The following ATXN10 variants were observed in gnomAD, a reference collection of about 807,000 sequenced individuals.
ATXN10 encodes the protein ataxin-10.
Under a neutral mutation model 52.9 loss-of-function variants are expected in ATXN10, and 28 were observed. The observed-to-expected ratio is 0.53, with a 90% confidence interval of 0.39 to 0.73. The LOEUF is 0.73. Ranked by LOEUF, ATXN10 falls within the 30% of genes least tolerant of loss-of-function variation. The probability of loss-of-function intolerance (pLI) is 0.00; values close to 1 mark genes in which losing one functional copy is unlikely to be tolerated. For synonymous variants in ATXN10, 226 were observed against 221.5 expected (o/e 1.02, Z -0.18); for missense variants, 565 against 577.0 (o/e 0.98, Z 0.21).
At position 45,769,867 on chromosome 22, in the gene ATXN10, A is replaced by T. The variant is rs1187996717; in HGVS notation, c.1173+29329A>T. 6.6e-6 allele frequency among the ~76,000 whole-genome samples: 1 copy of T among 152,226 alleles called. No homozygotes were observed. Among genetic ancestry groups the T allele is most frequent in the East Asian group, 1.9e-4 (1 of 5,202 alleles). ...AGAGTGTCAGGAAGTTAAAAAATAT[A>T]AAAAATTTTCTGATGAAATGTAAGT... On this transcript the variant is annotated intron_variant, in intron 9 of 11. Transcript: ENST00000252934. The surrounding 1 kb of genome is among the most constrained non-coding windows in gnomAD (Gnocchi z 4.2).
rs1329456232 is a variant in ATXN10 at position 45,728,900 on chromosome 22, A to G, written c.729-525A>G. On this transcript the variant is annotated intron_variant, in intron 6 of 11. Coordinates refer to ENST00000252934, the MANE Select transcript of ATXN10 (RefSeq NM_013236.4). The surrounding 1 kb of genome is among the most constrained non-coding windows in gnomAD (Gnocchi z 4.3). ...AGCACCTGGCTCAGGGCACAGATTG[A>G]ATCCTAGCTTAGACTCTCAGTGGTT... Among the ~76,000 whole-genome samples, 1 of 152,222 alleles carries G rather than the reference A, an allele frequency of 6.6e-6. No individual in the cohort carries two copies. Among genetic ancestry groups the G allele is most frequent in the Non-Finnish European group, 1.5e-5 (1 of 68,030 alleles).
Position 45,843,291 on chromosome 22 carries a change from C to G in ATXN10, c.1425+113C>G. ...TAAGAATATGGATGGGAGAATTGTG[C>G]CCTCTATAGTGGTTTACCGAGGAAA... On this transcript the variant is annotated intron_variant, in intron 11 of 11. Transcript: ENST00000252934. This position sits in a 1 kb window ranked among gnomAD's most constrained non-coding sequence, Gnocchi z 4.5. 1 of 1,221,490 alleles carries G rather than the reference C, an allele frequency of 8.2e-7. No individual in the cohort carries two copies. The highest frequency in any genetic ancestry group is 1.5e-5 in the African/African-American group (1 of 66,884). The allele number at this position is 1,221,490 out of a possible 1,614,324, so 75.7% of individuals were successfully genotyped here.
intron 9 of ATXN10, chr22:45,760,662 C>G (rs1316790406): frequency 1.3e-5 from 2 of 154,162 alleles, no homozygotes; most frequent in South Asian, 2.0e-4. Flanking sequence ...AGGCACAGTT[C>G]TGAGTATTCG....
chr22:45,688,653 G>A lies in ATXN10; in HGVS notation c.117-1059G>A. Among the ~76,000 whole-genome samples, 1 of 152,194 alleles carries A rather than the reference G, an allele frequency of 6.6e-6. No individual in the cohort carries two copies. Among genetic ancestry groups the A allele is most frequent in the East Asian group, 1.9e-4 (1 of 5,194 alleles). On this transcript the variant is annotated intron_variant, in intron 1 of 11. Transcript: ENST00000252934. The surrounding 1 kb of genome is among the most constrained non-coding windows in gnomAD (Gnocchi z 4.0). ...GCAACTGAGCAGCTCTGTAACCTGG[G>A]CAGCTCAGTGTCCAGAGTTCTGAAT... is the stretch of plus-strand genomic sequence containing the variant.
intron 9 of ATXN10, among the ~76,000 whole-genome samples, chr22:45,747,691 C>A (rs1569047731): frequency 6.6e-6 from 1 of 152,162 alleles, no homozygotes; most frequent in African/African-American, 2.4e-5. Flanking sequence ...CATCTATTAA[C>A]TGTTTAAATT....
Position 45,702,764 on chromosome 22 carries a change from A to C in ATXN10, c.564A>C (p.Glu188Asp). The change falls in exon 5 of 12, where the codon GAA becomes GAC. Residue 188 changes from glutamate (E) to aspartate (D), a missense_variant. Glu to Asp is a conservative substitution (Grantham distance 45, BLOSUM62 2). Coordinates refer to ENST00000252934, the MANE Select transcript of ATXN10 (RefSeq NM_013236.4). The stretch of plus-strand genomic sequence containing the variant: ...TTTTGTTTACATCCCTTAATCATGA[A>C]AGAATGAAAGAACTGGAGGAGAACC... ...SMILFTSLNH[E>D]RMKELEENLN... is the part of the protein sequence containing the mutation. 6.2e-7 allele frequency: 1 copy of C among 1,614,070 alleles called. No individual in the cohort carries two copies. Among genetic ancestry groups the C allele is most frequent in the East Asian group, 2.2e-5 (1 of 44,850 alleles).
chr22:45,801,339 C>CT (rs1414446772), intron 9 of ATXN10, among the ~76,000 whole-genome samples: 1 of 152,210 alleles, frequency 6.6e-6, no homozygotes, highest in Non-Finnish European at 1.5e-5. Context: ...GACTTTGGCT[C>CT]TGAGTTTTCT....
chr22:45,793,855 G>A, intron 9 of ATXN10: 1 of 1,284,278 alleles, frequency 7.8e-7, no homozygotes, highest in Non-Finnish European at 9.9e-7. Context: ...TGAGCTGGTG[G>A]TGGTAAACAG....
chr22:45,718,495 T>TA lies in ATXN10; in HGVS notation c.728+4dup, dbSNP rs571872456. On this transcript the variant is annotated splice_region_variant and intron_variant, in intron 6 of 11. Transcript: ENST00000252934. This position sits in a 1 kb window ranked among gnomAD's most constrained non-coding sequence, Gnocchi z 4.4. Reference sequence around the variant, plus strand: ...TCCCAAACTGAACAATCAAGAAAGGTAACCCCCCAACCAGCGTGGTCTGGA... The same window carrying TA: ...TCCCAAACTGAACAATCAAGAAAGGTAAACCCCCCAACCAGCGTGGTCTGGA... 1.2e-6 allele frequency: 2 copies of TA among 1,612,936 alleles called. No individual in the cohort carries two copies. Among genetic ancestry groups the TA allele is most frequent in the Non-Finnish European group, 1.7e-6 (2 of 1,179,004 alleles).
chr22:45,814,959 T>C (rs116721315), intron 10 of ATXN10, among the ~76,000 whole-genome samples: 2,674 of 152,268 alleles, frequency 0.018, 79 homozygotes, highest in African/African-American at 0.061. Flanking sequence ...CCCCCATCCG[T>C]CCTGGAAAAA....
rs1441170478 is a variant in ATXN10 at position 45,718,982 on chromosome 22, G to A, written c.728+489G>A. 6.6e-6 allele frequency among the ~76,000 whole-genome samples: 1 copy of A among 151,770 alleles called. No individual in the cohort carries two copies. The highest frequency in any genetic ancestry group is 1.5e-5 in the Non-Finnish European group (1 of 67,930). On this transcript the variant is annotated intron_variant, in intron 6 of 11. Transcript: ENST00000252934. This position sits in a 1 kb window ranked among gnomAD's most constrained non-coding sequence, Gnocchi z 4.4. ...GTGACCTAGGAGTTCTAAGACACTG[G>A]CCCTGTGCTTTGCTGTGATTATAGT...
At position 45,804,466 on chromosome 22, in the gene ATXN10, C is replaced by T. The variant is rs368255226; in HGVS notation, c.1174-2493C>T. 9.2e-5 allele frequency among the ~76,000 whole-genome samples: 14 copies of T among 152,222 alleles called. No homozygotes were observed. The South Asian group carries it at 1.0e-3, about 11-fold the overall frequency. On this transcript the variant is annotated intron_variant, in intron 9 of 11. Coordinates refer to ENST00000252934, the MANE Select transcript of ATXN10 (RefSeq NM_013236.4). ...TTCCTGGCCTTTGTAAAATAAGGATCGTTAATAGATTCCTAGCAAGCCTGT... is the reference window on the plus strand; with the variant it reads ...TTCCTGGCCTTTGTAAAATAAGGATTGTTAATAGATTCCTAGCAAGCCTGT...
rs1489887290 is a variant in ATXN10 at position 45,772,554 on chromosome 22, C to T, written c.1173+32016C>T. On this transcript the variant is annotated intron_variant, in intron 9 of 11. Coordinates refer to ENST00000252934, the MANE Select transcript of ATXN10 (RefSeq NM_013236.4). The surrounding 1 kb of genome is among the most constrained non-coding windows in gnomAD (Gnocchi z 4.1). The stretch of plus-strand genomic sequence containing the variant: ...AGTGATTTAATCTTCTTTACCCTTC[C>T]ATGTAAATTTTAGAATAGCTTTTTC... Among the ~76,000 whole-genome samples the T allele has an allele frequency of 2.0e-5, 3 of 152,280 alleles. No individual in the cohort carries two copies. In the East Asian group the frequency reaches 5.8e-4, roughly 29 times the overall value.
In ATXN10 at chr22:45,750,133, G is replaced by T. The variant is rs1031524595; in HGVS notation, c.1173+9595G>T. On this transcript the variant is annotated intron_variant, in intron 9 of 11. Transcript: ENST00000252934. The surrounding 1 kb of genome is among the most constrained non-coding windows in gnomAD (Gnocchi z 4.2). ...AATTTTATTTTTGAGACAGGGTCTTGCTTTTGTCACCCAGGCTGGAGTGCA... is the reference window on the plus strand; with the variant it reads ...AATTTTATTTTTGAGACAGGGTCTTTCTTTTGTCACCCAGGCTGGAGTGCA... 6.6e-6 allele frequency among the ~76,000 whole-genome samples: 1 copy of T among 151,348 alleles called. No homozygotes were observed. Among genetic ancestry groups the T allele is most frequent in the Non-Finnish European group, 1.5e-5 (1 of 67,760 alleles).
chr22:45,736,105 G>C (rs1043138141), intron 7 of ATXN10, among the ~76,000 whole-genome samples: 1 of 152,006 alleles, frequency 6.6e-6, no homozygotes, highest in African/African-American at 2.4e-5. Context: ...GAGACTTCCA[G>C]TTCATCTCTT....
In ATXN10 at chr22:45,772,419, T is replaced by C. The variant is rs1012315142; in HGVS notation, c.1173+31881T>C. Among the ~76,000 whole-genome samples, 18 of 152,258 alleles carry C rather than the reference T, an allele frequency of 1.2e-4. No individual in the cohort carries two copies. Among genetic ancestry groups the C allele is most frequent in the Non-Finnish European group, 2.4e-4 (16 of 68,036 alleles). On this transcript the variant is annotated intron_variant, in intron 9 of 11. Transcript: ENST00000252934. This position sits in a 1 kb window ranked among gnomAD's most constrained non-coding sequence, Gnocchi z 4.1. The stretch of plus-strand genomic sequence containing the variant: ...GGGTCTGTTTCCAGATATGCTATTT[T>C]GTTCGTCGATATTTGTGCCTGTCTC...
At chr22:45,729,779 T>G in intron 7 of ATXN10, 189 bp downstream of exon 7, 1 of 705,720 alleles carries the variant, frequency 1.4e-6, no homozygotes, top group Non-Finnish European at 2.5e-6. Flanking sequence ...CCATCCAGAG[T>G]CAATGACTTA....
In ATXN10 at chr22:45,790,310, C is replaced by T. The variant is rs1477107757; in HGVS notation, c.1174-16649C>T. On this transcript the variant is annotated intron_variant, in intron 9 of 11. Transcript: ENST00000252934. The surrounding 1 kb of genome is among the most constrained non-coding windows in gnomAD (Gnocchi z 4.7). ...TCTTTCAGGAACACCCAATACCAAACCTCTGATATGCCTCACTTCTTAAAA... is the reference window on the plus strand; with the variant it reads ...TCTTTCAGGAACACCCAATACCAAATCTCTGATATGCCTCACTTCTTAAAA... Among the ~76,000 whole-genome samples the T allele has an allele frequency of 6.6e-6, 1 of 152,150 alleles. No individual in the cohort carries two copies. Among genetic ancestry groups the T allele is most frequent in the Non-Finnish European group, 1.5e-5 (1 of 68,032 alleles).
In ATXN10 at chr22:45,775,776, C is replaced by G. The variant is rs144070562; in HGVS notation, c.1174-31183C>G. On this transcript the variant is annotated intron_variant, in intron 9 of 11. Coordinates refer to ENST00000252934, the MANE Select transcript of ATXN10 (RefSeq NM_013236.4). This position sits in a 1 kb window ranked among gnomAD's most constrained non-coding sequence, Gnocchi z 4.7. ...TAGTGCCTCATGTCATGACCTGGGT[C>G]TCCGATTTATTTAGCACGGTAGCAC... Among the ~76,000 whole-genome samples, 2 of 152,242 alleles carry G rather than the reference C, an allele frequency of 1.3e-5. No homozygotes were observed. Among genetic ancestry groups the G allele is most frequent in the African/African-American group, 4.8e-5 (2 of 41,542 alleles).
Sources: gnomAD v4.1 joint callset for allele counts (sites outside exome capture counted in the v4.1 genomes callset) on GRCh38, gnomAD v4.1.1 for gene constraint, Gnocchi (gnomAD v3.1) non-coding constraint, MANE v1.5 for transcripts, NCBI Gene and HGNC (gene_info 2026-07-23, HGNC 2026-07-21) for gene names.